The following RGS3 variants were observed in gnomAD, a reference collection of about 807,000 sequenced individuals.
The protein encoded by RGS3 is regulator of G-protein signalling 3.
Under a neutral mutation model 132.6 loss-of-function variants are expected in RGS3, and 80 were observed. That is an observed-to-expected ratio of 0.60 (90% CI 0.50 to 0.73). The LOEUF is 0.73. Among genes scored for constraint, RGS3 ranks in the 30% least tolerant of loss-of-function variants. RGS3 has a pLI of 0.00. For missense variants in RGS3, 1,382 were observed against 1,530.8 expected (o/e 0.90, Z 1.62); for synonymous variants, 598 against 620.6 (o/e 0.96, Z 0.54).
intron 3 of RGS3, among the ~76,000 whole-genome samples, chr9:113,472,836 C>G (rs1021588001): frequency 6.6e-6 from 1 of 152,002 alleles, no homozygotes; most frequent in Non-Finnish European, 1.5e-5. Flanking sequence ...GTCAGGAGTT[C>G]GAGAGCAGCC....
chr9:113,592,803 C>G (rs1220399625), intron 21 of RGS3: 1 of 152,172 alleles, frequency 6.6e-6, no homozygotes, highest in Non-Finnish European at 1.5e-5. Context: ...AGGTCATACT[C>G]TTAAAAGCTT....
chr9:113,447,192 G>A (rs1365594950), intron 1 of RGS3, among the ~76,000 whole-genome samples: 1 of 146,506 alleles, frequency 6.8e-6, no homozygotes, highest in Non-Finnish European at 1.5e-5. Flanking sequence ...AACCCGGGAG[G>A]TAGAGGTTGC....
intron 3 of RGS3, among the ~76,000 whole-genome samples, chr9:113,464,787 A>G (rs1422728183): frequency 6.6e-6 from 1 of 152,190 alleles, no homozygotes; most frequent in Non-Finnish European, 1.5e-5. Context: ...TGTTACTGAA[A>G]CATTACTGGA....
chr9:113,477,617 G>A (rs1234195861), intron 3 of RGS3, among the ~76,000 whole-genome samples: 1 of 152,210 alleles, frequency 6.6e-6, no homozygotes, highest in Non-Finnish European at 1.5e-5. Flanking sequence ...GTGCTGTGAG[G>A]GATTGTGGAA....
intron 17 of RGS3, among the ~76,000 whole-genome samples, chr9:113,523,677 C>T (rs535097660): frequency 6.6e-6 from 1 of 152,238 alleles, no homozygotes; most frequent in Admixed American, 6.5e-5. Context: ...GGGAAGCCAG[C>T]TGGGAGTATC....
intron 17 of RGS3, among the ~76,000 whole-genome samples, chr9:113,528,963 C>T (rs373144294): frequency 1.3e-5 from 2 of 152,214 alleles, no homozygotes; most frequent in South Asian, 4.1e-4. Flanking sequence ...CTGCTGGCTA[C>T]CTCTCCTGGG....
At chr9:113,566,153 G>A (rs922708767) in intron 19 of RGS3, among the ~76,000 whole-genome samples, 2 of 152,218 alleles carry the variant, frequency 1.3e-5, no homozygotes, top group South Asian at 4.1e-4. Context: ...GGAAGCTCGT[G>A]TCTAGTTTCA....
At chr9:113,464,005 C>T (rs940048864) in intron 3 of RGS3, 124 bp downstream of exon 1, 103 of 967,184 alleles carry the variant, frequency 1.1e-4, no homozygotes, top group South Asian at 8.8e-4. Context: ...GGGGCACCTT[C>T]TCTGGCCCCT....
chr9:113,498,327 C>T (rs770959928), intron 10 of RGS3, among the ~76,000 whole-genome samples: 84 of 152,230 alleles, frequency 5.5e-4, no homozygotes, highest in Admixed American at 9.2e-4. Context: ...ATGGAAGCAT[C>T]TGGATCTTAC....
exon 25 of RGS3, chr9:113,597,162 GC>G (rs908527261): frequency 3.9e-6 from 2 of 517,974 alleles, no homozygotes; most frequent in Non-Finnish European, 6.8e-6. Context: ...GGTCCCCACT[GC>G]CCCGGTACGA....
At chr9:113,522,846 T>C (rs2119410162) in intron 16 of RGS3, 84 bp from the exon 15 acceptor site, 1 of 865,824 alleles carries the variant, frequency 1.2e-6, no homozygotes, top group South Asian at 1.3e-5. Flanking sequence ...AGGCTGTGGC[T>C]CCCCACCTTC....
At chr9:113,499,226 CAAAA>C (rs57507668) in intron 10 of RGS3, among the ~76,000 whole-genome samples, 1 of 60,680 alleles carries the variant, frequency 1.6e-5, no homozygotes, top group Non-Finnish European at 3.3e-5. Context: ...GATTCCATCT[CAAAA>C]AAAAAAAAAA....
exon 20 of RGS3, chr9:113,584,051 A>G (rs1834975118): frequency 6.2e-7 from 1 of 1,614,114 alleles, no homozygotes; most frequent in South Asian, 1.1e-5. Flanking sequence ...GGAGATGAGG[A>G]GGATGCAGAA....
chr9:113,583,951 C>T lies in RGS3; in HGVS notation c.2539C>T (p.Pro847Ser), dbSNP rs139416272. ...CCTACTAGCAGCTACTGGGGACCCA[C>T]CTGCGGCCCCCAGGCCAGCCTTCGT... is the stretch of plus-strand genomic sequence containing the variant. The change falls in exon 20 of 25, where the codon CCT becomes TCT. Residue 847 changes from proline to serine, a missense_variant. Pro to Ser is a moderately conservative substitution (Grantham distance 74). Coordinates refer to ENST00000350696, the Ensembl canonical transcript of RGS3. 594 of 1,614,088 alleles carry T rather than the reference C, an allele frequency of 3.7e-4. 1 individual carries two copies. Among genetic ancestry groups the T allele is most frequent in the Middle Eastern group, 2.3e-3 (14 of 6,060 alleles).
At chr9:113,523,003 G>A (rs1432157753) in exon 17 of RGS3, 1 of 1,614,036 alleles carries the variant, frequency 6.2e-7, no homozygotes, top group Admixed American at 1.7e-5. Context: ...GACGTCCTGA[G>A]GAACCCCCTC....
upstream of RGS3, chr9:113,460,167 C>T: frequency 1.7e-6 from 2 of 1,150,340 alleles, no homozygotes; most frequent in Non-Finnish European, 2.2e-6. Context: ...AGGCTTTGGT[C>T]TTATTGTTGA....
intron 16 of RGS3, 22 bp from the exon 15 acceptor site, chr9:113,522,908 T>A (rs112920153): frequency 5.9e-6 from 9 of 1,522,934 alleles, no homozygotes; most frequent in African/African-American, 1.4e-5. Context: ...TAGCCAGTTC[T>A]GTTTGCTCTC....
chr9:113,483,185 G>A, intron 5 of RGS3, 68 bp downstream of exon 3: 1 of 1,107,980 alleles, frequency 9.0e-7, no homozygotes, highest in Non-Finnish European at 1.4e-6. Flanking sequence ...CAGTCCCAAG[G>A]TCCCAGCACA....
intron 21 of RGS3, chr9:113,594,206 T>G (rs1312848258): frequency 6.2e-7 from 1 of 1,612,560 alleles, no homozygotes; most frequent in South Asian, 1.1e-5. Context: ...GGACGCGGGG[T>G]GGGGGACAGG....
Sources: gnomAD v4.1 joint callset for allele counts (sites outside exome capture counted in the v4.1 genomes callset) on GRCh38, gnomAD v4.1.1 for gene constraint, MANE v1.5 for transcripts, NCBI Gene and HGNC (gene_info 2026-07-23, HGNC 2026-07-21) for gene names.